The following KCNMA1 variants were observed in gnomAD, a reference collection of about 807,000 sequenced individuals.
KCNMA1 encodes potassium calcium-activated channel subfamily M alpha 1.
KCNMA1 carries 29 observed loss-of-function variants against 140.0 expected under a neutral mutation model. That is an observed-to-expected ratio of 0.21 (90% CI 0.15 to 0.28). KCNMA1 has a LOEUF of 0.28. Ranked by LOEUF, KCNMA1 falls within the 10% of genes least tolerant of loss-of-function variation. The pLI is 1.00. For synonymous variants in KCNMA1, 612 were observed against 611.9 expected, an observed-to-expected ratio of 1.00 and a Z score of 0.00; for missense variants, 880 against 1,602.2, an observed-to-expected ratio of 0.55 and a Z score of 7.70.
intron 3 of KCNMA1, among the ~76,000 whole-genome samples, chr10:77,246,644 T>C (rs945751242): frequency 5.3e-5 from 8 of 152,328 alleles, no homozygotes; most frequent in Non-Finnish European, 8.8e-5. Flanking sequence ...TAAAGATAGT[T>C]TTCCTTAACC....
rs34943268 is a variant in KCNMA1 at position 77,039,883 on chromosome 10, CTTTTT to C, written c.1750-251_1750-247del. On this transcript the variant is annotated intron_variant, in intron 14 of 27. Transcript: ENST00000286628. Reference sequence around the variant, plus strand: ...TCTTTCCTTTTTCTTTTTTCTTTTTCTTTTTTTTTTTTTTTTTTTTTTTGAGACAG... The same window carrying C: ...TCTTTCCTTTTTCTTTTTTCTTTTTCTTTTTTTTTTTTTTTTTTGAGACAG... 3.7e-3 allele frequency among the ~76,000 whole-genome samples: 294 copies of C among 78,978 alleles called. 2 individuals are homozygous for C. Among genetic ancestry groups the C allele is most frequent in the East Asian group, 0.01 (24 of 2,326 alleles). 51.8% of individuals were successfully genotyped at this position (78,978 alleles called of 152,430 possible). A position where few individuals can be genotyped will look rare whatever the true frequency, so the allele number is the denominator to read the frequency against.
chr10:77,265,426 C>T (rs11812342), intron 2 of KCNMA1, among the ~76,000 whole-genome samples: 30,928 of 152,124 alleles, frequency 0.2, 4,086 homozygotes, highest in African/African-American at 0.36. Flanking sequence ...AGAATTACTG[C>T]TTTTAACCTT....
chr10:76,988,343 G>T (rs540449722), intron 19 of KCNMA1, among the ~76,000 whole-genome samples: 4 of 152,242 alleles, frequency 2.6e-5, no homozygotes, highest in Non-Finnish European at 4.4e-5. Flanking sequence ...GAAAGGTGAT[G>T]ATGTGAAGTC....
At position 77,382,216 on chromosome 10, in the gene KCNMA1, G is replaced by A. The variant is rs145149773; in HGVS notation, c.540+21646C>T. On this transcript the variant is annotated intron_variant, in intron 2 of 27. Transcript: ENST00000286628. The stretch of plus-strand genomic sequence containing the variant: ...GAGCTGTGGTGAGCATGTGAAGGGA[G>A]GTTCTGAAGGCTTCAGCAGCAGCCA... Among the ~76,000 whole-genome samples the A allele has an allele frequency of 2.1e-3, 313 of 152,190 alleles. 1 individual carries two copies. The highest frequency in any genetic ancestry group is 7.1e-3 in the African/African-American group (293 of 41,502).
rs549735837 is a variant in KCNMA1 at position 77,088,476 on chromosome 10, C to T, written c.1335-1883G>A. 1.4e-3 allele frequency among the ~76,000 whole-genome samples: 207 copies of T among 152,084 alleles called. 2 individuals are homozygous for T. The highest frequency in any genetic ancestry group is 4.6e-3 in the African/African-American group (190 of 41,512). On this transcript the variant is annotated intron_variant, in intron 10 of 27. Transcript: ENST00000286628. ...TTGTTTTGTTTTTTGGAGACAGGGA[C>T]TGGAGTGCAGTGGTGCCATCTTGAC...
chr10:76,971,553 A>C (rs1339811916), intron 19 of KCNMA1, among the ~76,000 whole-genome samples: 1 of 152,150 alleles, frequency 6.6e-6, no homozygotes, highest in Non-Finnish European at 1.5e-5. Context: ...AAAGGGAATG[A>C]CTGTGGTGTA....
At chr10:77,048,366 C>G (rs2095206119) in intron 14 of KCNMA1, among the ~76,000 whole-genome samples, 1 of 152,186 alleles carries the variant, frequency 6.6e-6, no homozygotes, top group Admixed American at 6.5e-5. Context: ...CATGGCACCA[C>G]TCTGTCTTAA....
At chr10:77,403,478 C>T (rs2096352256) in intron 2 of KCNMA1, among the ~76,000 whole-genome samples, 1 of 152,178 alleles carries the variant, frequency 6.6e-6, no homozygotes, top group Non-Finnish European at 1.5e-5. Flanking sequence ...CAAACACACA[C>T]TCACTCAGCA....
At position 77,011,598 on chromosome 10, in the gene KCNMA1, C is replaced by T. The variant is rs56233608; in HGVS notation, c.2092+369G>A. 2.3e-4 allele frequency among the ~76,000 whole-genome samples: 35 copies of T among 152,236 alleles called. No individual in the cohort carries two copies. The South Asian group carries it at 4.8e-3, about 21-fold the overall frequency. ...TCTCTCAACCCTATATACTCAGGGA[C>T]CCCCAATCCACTGGAAATCACGATA... On this transcript the variant is annotated intron_variant, in intron 18 of 27. Coordinates refer to ENST00000286628, the MANE Select transcript of KCNMA1 (RefSeq NM_001161352.2).
At chr10:77,515,030 C>T (rs1361890372) in intron 1 of KCNMA1, among the ~76,000 whole-genome samples, 1 of 152,188 alleles carries the variant, frequency 6.6e-6, no homozygotes, top group Non-Finnish European at 1.5e-5. Flanking sequence ...CACCCGCTAG[C>T]TCTAGTTGAG....
chr10:77,466,017 GC>G (rs2097998851), intron 1 of KCNMA1, among the ~76,000 whole-genome samples: 1 of 152,206 alleles, frequency 6.6e-6, no homozygotes, highest in South Asian at 2.1e-4. Flanking sequence ...AGCTCAGTGG[GC>G]AGGAAGTAGG....
chr10:76,975,549 G>A (rs947700597), intron 19 of KCNMA1: 7 of 152,274 alleles, frequency 4.6e-5, no homozygotes, highest in African/African-American at 1.7e-4. Flanking sequence ...TGGATCCCGT[G>A]GTGGGGAATG....
chr10:77,107,271 G>A (rs2097215832), intron 9 of KCNMA1, among the ~76,000 whole-genome samples: 1 of 152,188 alleles, frequency 6.6e-6, no homozygotes, highest in Non-Finnish European at 1.5e-5. Flanking sequence ...AAACAAAACA[G>A]TTCCATGATA....
At chr10:77,540,987 A>G (rs1172038129) in intron 1 of KCNMA1, among the ~76,000 whole-genome samples, 1 of 141,770 alleles carries the variant, frequency 7.1e-6, no homozygotes, top group Non-Finnish European at 1.5e-5. Flanking sequence ...CTTGGGCAAT[A>G]GAGCAAGACT....
chr10:76,954,764 A>T (rs934329516), intron 20 of KCNMA1, among the ~76,000 whole-genome samples: 2 of 152,194 alleles, frequency 1.3e-5, no homozygotes, highest in Non-Finnish European at 2.9e-5. Flanking sequence ...TCAGGGCAAC[A>T]TTCGCCCTCT....
intron 5 of KCNMA1, among the ~76,000 whole-genome samples, chr10:77,161,170 T>G (rs1355454831): frequency 2.6e-5 from 4 of 152,216 alleles, no homozygotes; most frequent in Non-Finnish European, 5.9e-5. Context: ...GCTGTTTTAC[T>G]GACACTTGTA....
chr10:76,998,106 G>A (rs930218170), intron 19 of KCNMA1, among the ~76,000 whole-genome samples: 3 of 152,082 alleles, frequency 2.0e-5, no homozygotes, highest in Admixed American at 6.5e-5. Flanking sequence ...TATCATAATA[G>A]CACATGACTC....
intron 2 of KCNMA1, among the ~76,000 whole-genome samples, chr10:77,261,458 T>C (rs908112130): frequency 6.6e-6 from 1 of 152,188 alleles, no homozygotes; most frequent in South Asian, 2.1e-4. Context: ...TGCAGGTTCG[T>C]GTTCCCCAAA....
At chr10:77,174,720 C>A (rs180936352) in intron 5 of KCNMA1, among the ~76,000 whole-genome samples, 34 of 152,316 alleles carry the variant, frequency 2.2e-4, no homozygotes, top group African/African-American at 7.9e-4. Flanking sequence ...CACCTGAGAG[C>A]TGGTGGAAAT....
Sources: gnomAD v4.1 joint callset for allele counts (sites outside exome capture counted in the v4.1 genomes callset) on GRCh38, gnomAD v4.1.1 for gene constraint, MANE v1.5 for transcripts, NCBI Gene and HGNC (gene_info 2026-07-23, HGNC 2026-07-21) for gene names.